Variants in ST6GALNAC3 observed in about 807,000 individuals in gnomAD.
ST6GALNAC3 encodes the protein alpha-N-acetylgalactosaminide alpha-2,6-sialyltransferase 3.
ST6GALNAC3 carries 25 observed loss-of-function variants against 32.7 expected under a neutral mutation model. The observed-to-expected ratio is 0.76, with a 90% confidence interval of 0.56 to 1.07. ST6GALNAC3 has a LOEUF of 1.07. Ranked by LOEUF, ST6GALNAC3 falls within the 50% of genes least tolerant of loss-of-function variation. ST6GALNAC3 has a pLI of 0.00. For synonymous variants in ST6GALNAC3, 129 were observed against 133.1 expected (o/e 0.97, Z 0.21); for missense variants, 355 against 382.4 (o/e 0.93, Z 0.60).
chr1:76,327,881 T>A (rs1267748597), intron 2 of ST6GALNAC3, among the ~76,000 whole-genome samples: 2 of 152,136 alleles, frequency 1.3e-5, no homozygotes, highest in African/African-American at 4.8e-5. Context: ...TGAACCCCCA[T>A]GCCTGGCCCA....
chr1:76,486,435 T>G (rs1394181514), intron 3 of ST6GALNAC3, among the ~76,000 whole-genome samples: 1 of 152,230 alleles, frequency 6.6e-6, no homozygotes. Flanking sequence ...ATATTTAGGA[T>G]AGTTAGCTCT....
At chr1:76,517,184 T>C (rs9645419) in intron 3 of ST6GALNAC3, among the ~76,000 whole-genome samples, 15,971 of 151,824 alleles carry the variant, frequency 0.11, 992 homozygotes, top group East Asian at 0.22. Flanking sequence ...ATAGAATCAA[T>C]ACATTAAAAT....
chr1:76,121,530 C>T (rs1237093464), intron 1 of ST6GALNAC3, among the ~76,000 whole-genome samples: 1 of 152,166 alleles, frequency 6.6e-6, no homozygotes, highest in Non-Finnish European at 1.5e-5. Context: ...TCCTGGCTAA[C>T]ACGGTGAAAC....
At chr1:76,552,232 G>C (rs1189419504) in intron 3 of ST6GALNAC3, among the ~76,000 whole-genome samples, 3 of 152,042 alleles carry the variant, frequency 2.0e-5, no homozygotes, top group African/African-American at 7.2e-5. Flanking sequence ...AAAGATCAAG[G>C]GACTCTCTCA....
chr1:76,496,155 A>G (rs977627801), intron 3 of ST6GALNAC3, among the ~76,000 whole-genome samples: 1 of 152,188 alleles, frequency 6.6e-6, no homozygotes, highest in Non-Finnish European at 1.5e-5. Flanking sequence ...CCCTCCCTCC[A>G]TATGGAAAAA....
chr1:76,171,577 A>G (rs1261560947), intron 1 of ST6GALNAC3, among the ~76,000 whole-genome samples: 2 of 152,068 alleles, frequency 1.3e-5, no homozygotes, highest in African/African-American at 2.4e-5. Context: ...GAAGAATCAA[A>G]TAGACACAAT....
At chr1:76,393,926 G>A (rs1280123099) in intron 2 of ST6GALNAC3, among the ~76,000 whole-genome samples, 1 of 152,154 alleles carries the variant, frequency 6.6e-6, no homozygotes, top group African/African-American at 2.4e-5. Context: ...GAAACAAAGA[G>A]TCTAGGGTAT....
At chr1:76,111,429 AT>A (rs572131805) in intron 1 of ST6GALNAC3, among the ~76,000 whole-genome samples, 1,605 of 135,738 alleles carry the variant, frequency 0.012, 37 homozygotes, top group African/African-American at 0.046. Flanking sequence ...CCCAAATGAC[AT>A]TTTTTTTTTT....
At chr1:76,275,206 G>A (rs748044234) in intron 1 of ST6GALNAC3, among the ~76,000 whole-genome samples, 1 of 152,188 alleles carries the variant, frequency 6.6e-6, no homozygotes, top group Non-Finnish European at 1.5e-5. Context: ...AGCACAAGTT[G>A]TAGCACACAA....
chr1:76,468,682 A>T (rs1658815660), intron 3 of ST6GALNAC3, among the ~76,000 whole-genome samples: 2 of 151,966 alleles, frequency 1.3e-5, no homozygotes, highest in South Asian at 4.1e-4. Flanking sequence ...ATACTTGAGG[A>T]TCTACACTCC....
chr1:76,478,760 C>CTTTTTTTTTTTT (rs397861238), intron 3 of ST6GALNAC3, among the ~76,000 whole-genome samples: 2 of 109,086 alleles, frequency 1.8e-5, no homozygotes, highest in Admixed American at 1.0e-4. Flanking sequence ...TTTATTAATT[C>CTTTTTTTTTTTT]TTTTTTTTTT....
At chr1:76,568,347 G>A (rs571446514) in intron 3 of ST6GALNAC3, among the ~76,000 whole-genome samples, 1 of 152,242 alleles carries the variant, frequency 6.6e-6, no homozygotes, top group East Asian at 1.9e-4. Context: ...GAACTGACCT[G>A]CATGTTAAGC....
chr1:76,493,051 T>G (rs1660599257), intron 3 of ST6GALNAC3, among the ~76,000 whole-genome samples: 1 of 152,038 alleles, frequency 6.6e-6, no homozygotes, highest in African/African-American at 2.4e-5. Flanking sequence ...TTTTCTTATT[T>G]TAAAGGTACC....
At chr1:76,322,393 T>C (rs745968515) in intron 2 of ST6GALNAC3, among the ~76,000 whole-genome samples, 5 of 152,202 alleles carry the variant, frequency 3.3e-5, no homozygotes, top group Non-Finnish European at 5.9e-5. Context: ...GTGTTAAAAT[T>C]GGGGTTCACC....
intron 1 of ST6GALNAC3, among the ~76,000 whole-genome samples, chr1:76,143,242 T>G (rs566357721): frequency 1.3e-5 from 2 of 152,322 alleles, no homozygotes; most frequent in East Asian, 3.9e-4. Context: ...TCTTCTGTCT[T>G]TAAAGGAAAG....
At chr1:76,276,439 C>T (rs1000616086) in intron 1 of ST6GALNAC3, among the ~76,000 whole-genome samples, 1 of 151,928 alleles carries the variant, frequency 6.6e-6, no homozygotes, top group Non-Finnish European at 1.5e-5. Flanking sequence ...TTTCTTCTGC[C>T]ACTTGCCTTT....
intron 3 of ST6GALNAC3, among the ~76,000 whole-genome samples, chr1:76,493,792 A>C (rs1660642960): frequency 6.6e-6 from 1 of 152,166 alleles, no homozygotes; most frequent in African/African-American, 2.4e-5. Flanking sequence ...AAAAAAGAAG[A>C]GGTATTGAAT....
intron 1 of ST6GALNAC3, among the ~76,000 whole-genome samples, chr1:76,147,044 A>G (rs12057667): frequency 0.15 from 22,638 of 148,892 alleles, 1,985 homozygotes; most frequent in African/African-American, 0.25. Flanking sequence ...GCTAACTTCT[A>G]CTGATCACTC....
At chr1:76,238,321 CATG>C (rs1287570096) in intron 1 of ST6GALNAC3, among the ~76,000 whole-genome samples, 22 of 152,094 alleles carry the variant, frequency 1.4e-4, no homozygotes, top group African/African-American at 5.3e-4. Context: ...CAATAAAATG[CATG>C]ATAAGAAGAG....
Sources: allele counts gnomAD v4.1 joint callset (sites outside exome capture counted in the v4.1 genomes callset), GRCh38; gene constraint gnomAD v4.1.1; transcripts MANE v1.5; gene names NCBI Gene and HGNC (gene_info 2026-07-23, HGNC 2026-07-21).